The following NDST4 variants were observed in gnomAD, a reference collection of about 807,000 sequenced individuals.
The protein encoded by NDST4 is N-heparan sulfate sulfotransferase 4.
A neutral mutation model predicts 100.8 loss-of-function variants in NDST4; 63 were observed. The observed-to-expected ratio is 0.62, with a 90% confidence interval of 0.51 to 0.77. NDST4 has a LOEUF of 0.77. NDST4 is among the 30% of genes least tolerant of loss of function. The pLI is 0.00. For missense variants in NDST4, 943 were observed against 1,018.4 expected, an observed-to-expected ratio of 0.93 and a Z score of 1.01; for synonymous variants, 377 against 361.8, an observed-to-expected ratio of 1.04 and a Z score of -0.48.
intron 2 of NDST4, among the ~76,000 whole-genome samples, chr4:115,065,364 T>C (rs546776265): frequency 6.6e-5 from 10 of 152,236 alleles, no homozygotes; most frequent in African/African-American, 2.2e-4. Flanking sequence ...AGATTCAAAC[T>C]CAAGCCAAGC....
At chr4:114,886,380 G>A (rs1342850792) in intron 6 of NDST4, among the ~76,000 whole-genome samples, 3 of 152,092 alleles carry the variant, frequency 2.0e-5, no homozygotes, top group Non-Finnish European at 4.4e-5. Context: ...TCAAAGTATA[G>A]AGGTAATCCT....
At chr4:115,043,961 A>T (rs10008033) in intron 2 of NDST4, among the ~76,000 whole-genome samples, 14,155 of 152,076 alleles carry the variant, frequency 0.093, 2,015 homozygotes, top group African/African-American at 0.31. Flanking sequence ...TACCATGACC[A>T]AATAAACATG....
chr4:114,902,478 CT>C (rs1231017648), intron 6 of NDST4, among the ~76,000 whole-genome samples: 5 of 152,080 alleles, frequency 3.3e-5, no homozygotes, highest in African/African-American at 7.2e-5. Flanking sequence ...CTGTTTCCCC[CT>C]ATAACTTATT....
chr4:115,029,953 G>A (rs1311444418), intron 2 of NDST4, among the ~76,000 whole-genome samples: 3 of 152,096 alleles, frequency 2.0e-5, no homozygotes, highest in Admixed American at 6.6e-5. Context: ...GATAAACCAG[G>A]AATGAAAGAG....
At chr4:115,055,789 A>G (rs1457513905) in intron 2 of NDST4, among the ~76,000 whole-genome samples, 1 of 152,190 alleles carries the variant, frequency 6.6e-6, no homozygotes, top group Admixed American at 6.6e-5. Context: ...AAAGGCCAGC[A>G]AGATATACAA....
chr4:115,022,692 G>A (rs7679175), intron 2 of NDST4, among the ~76,000 whole-genome samples: 132,221 of 152,086 alleles, frequency 0.87, 57,917 homozygotes, highest in African/African-American at 0.91. Flanking sequence ...ATCTCCCACA[G>A]TTCCCACATA....
At chr4:115,095,908 T>C (rs915094619) in intron 1 of NDST4, among the ~76,000 whole-genome samples, 1 of 152,052 alleles carries the variant, frequency 6.6e-6, no homozygotes, top group Non-Finnish European at 1.5e-5. Context: ...AATCACAATC[T>C]TCTATTTCTT....
At chr4:114,947,300 A>G (rs1008023142) in intron 4 of NDST4, among the ~76,000 whole-genome samples, 2 of 152,166 alleles carry the variant, frequency 1.3e-5, no homozygotes, top group East Asian at 3.9e-4. Flanking sequence ...AATTCAGAGC[A>G]TATACAAGGG....
intron 2 of NDST4, among the ~76,000 whole-genome samples, chr4:115,062,658 C>T (rs991316753): frequency 6.6e-6 from 1 of 151,034 alleles, no homozygotes; most frequent in Non-Finnish European, 1.5e-5. Flanking sequence ...TAAAATAATT[C>T]TAAATTAAAA....
rs1428089710 is a variant in NDST4 at position 115,076,368 on chromosome 4, G to A, written c.669C>T (p.Phe223=). The change falls in exon 2 of 14, where the codon TTC becomes TTT. Residue 223 remains phenylalanine, a synonymous_variant. Coordinates refer to ENST00000264363, the MANE Select transcript of NDST4 (RefSeq NM_022569.3). ...GCTGGTAGGTTGAATGATTATATTG[G>A]AAAATAGTCCAGTCTTCCCCAGGAA... ...GPLPGEDWTI[F]QYNHSTYQPV... 1.2e-6 allele frequency: 2 copies of A among 1,613,972 alleles called. No individual in the cohort carries two copies. Among genetic ancestry groups the A allele is most frequent in the Admixed American group, 3.3e-5 (2 of 59,990 alleles).
rs139330767 is a variant in NDST4, at chr4:114,970,501, T to C, written c.1150A>G (p.Met384Val). 34 of 1,614,126 alleles carry C rather than the reference T, an allele frequency of 2.1e-5. No individual in the cohort carries two copies. The African/African-American group carries it at 4.3e-4, about 20-fold the overall frequency. ...TCGTTGTGGAAGAGGTGGGGCTGCA[T>C]GTGGCTCCACATGTGAGGAAACCAC... is the stretch of plus-strand genomic sequence containing the variant. ...FWWFPHMWSH[M>V]QPHLFHNESS... The change falls in exon 4 of 14, where the codon ATG (methionine) becomes GTG (valine). Residue 384 changes from methionine to valine, a missense_variant. By Grantham distance (21) the Met-to-Val change is conservative. This residue lies in a region of NDST4 where 526 missense variants were observed against 634.1 expected (regional missense o/e 0.83). Transcript: ENST00000264363.
At chr4:114,849,768 T>A (rs545968123) in intron 8 of NDST4, among the ~76,000 whole-genome samples, 2 of 152,108 alleles carry the variant, frequency 1.3e-5, no homozygotes, top group South Asian at 4.3e-4. Flanking sequence ...AATCGAATTA[T>A]ACAAACTTGA....
At chr4:114,960,837 T>C (rs1219434003) in intron 4 of NDST4, among the ~76,000 whole-genome samples, 1 of 152,070 alleles carries the variant, frequency 6.6e-6, no homozygotes, top group Non-Finnish European at 1.5e-5. Flanking sequence ...AAAAATGTCA[T>C]AGAAGAAAGT....
intron 6 of NDST4, among the ~76,000 whole-genome samples, chr4:114,891,599 CAG>C (rs1176987599): frequency 6.6e-6 from 1 of 152,040 alleles, no homozygotes; most frequent in African/African-American, 2.4e-5. Flanking sequence ...CATTCTAATA[CAG>C]AGTCTTTTTA....
intron 1 of NDST4, among the ~76,000 whole-genome samples, chr4:115,085,021 T>G (rs1729380634): frequency 6.6e-6 from 1 of 152,090 alleles, no homozygotes; most frequent in Non-Finnish European, 1.5e-5. Flanking sequence ...AAAGCAGATG[T>G]GAGGGGGGCT....
At chr4:114,916,529 G>A (rs1725170531) in intron 6 of NDST4, among the ~76,000 whole-genome samples, 1 of 142,956 alleles carries the variant, frequency 7.0e-6, no homozygotes, top group Admixed American at 7.1e-5. Context: ...CATTGTCCTG[G>A]TAGGCTCTGT....
chr4:114,926,934 T>C (rs926633738), intron 6 of NDST4, among the ~76,000 whole-genome samples: 6 of 152,024 alleles, frequency 3.9e-5, no homozygotes, highest in African/African-American at 1.4e-4. Flanking sequence ...CTTTTATTAA[T>C]CTCATAGGAT....
At chr4:114,965,898 C>G (rs969217997) in intron 4 of NDST4, among the ~76,000 whole-genome samples, 1 of 151,312 alleles carries the variant, frequency 6.6e-6, no homozygotes, top group Non-Finnish European at 1.5e-5. Context: ...TTTATTAGTG[C>G]TTTCATGTTG....
rs549161122 is a variant in NDST4 at position 115,048,804 on chromosome 4, A to T, written c.978+27255T>A. ...AGGAAAGTGCCACTGCACCCGGCTAATTTTTTGTATTTTTAGTAGAGACGG... is the reference window on the plus strand; with the variant it reads ...AGGAAAGTGCCACTGCACCCGGCTATTTTTTTGTATTTTTAGTAGAGACGG... On this transcript the variant is annotated intron_variant, in intron 2 of 13. Transcript: ENST00000264363. Among the ~76,000 whole-genome samples the T allele has an allele frequency of 3.3e-5, 5 of 151,968 alleles. 1 individual carries two copies. The highest frequency in any genetic ancestry group is 1.9e-4 in the East Asian group (1 of 5,142).
Sources: allele counts gnomAD v4.1 joint callset (sites outside exome capture counted in the v4.1 genomes callset), GRCh38; gene constraint gnomAD v4.1.1; regional missense constraint gnomAD v4.1.1; transcripts MANE v1.5; gene names NCBI Gene and HGNC (gene_info 2026-07-23, HGNC 2026-07-21).